The following INHBA variants were observed in gnomAD, a reference collection of about 807,000 sequenced individuals.
INHBA encodes inhibin beta A chain.
In INHBA, 1 loss-of-function variant was observed where a neutral mutation model predicts 29.0. The observed-to-expected ratio is 0.03, with a 90% CI of 0.01 to 0.16. The LOEUF (loss-of-function observed/expected upper bound fraction) is 0.16, where lower values mean the gene tolerates loss of function less well. Ranked by LOEUF, INHBA falls within the 10% of genes least tolerant of loss-of-function variation. The pLI, the probability that INHBA is intolerant of heterozygous loss-of-function variation, is 1.00. For synonymous variants in INHBA, 242 were observed against 216.8 expected, an observed-to-expected ratio of 1.12 and a Z score of -1.02; for missense variants, 376 against 545.4, an observed-to-expected ratio of 0.69 and a Z score of 3.09.
chr7:41,703,511 A>G (rs534061008), upstream of INHBA, among the ~76,000 whole-genome samples: 1 of 152,220 alleles, frequency 6.6e-6, no homozygotes, highest in South Asian at 2.1e-4. Context: ...AGGAAAGAAA[A>G]TTGGTAGTGT....
At chr7:41,690,569 A>C in intron 2 of INHBA, 27 bp from the exon 3 acceptor site, 1 of 1,540,042 alleles carries the variant, frequency 6.5e-7, no homozygotes. Flanking sequence ...GCATAAGAGA[A>C]AACAGGCACA....
intron 2 of INHBA, 87 bp from the exon 3 acceptor site, chr7:41,690,629 A>G: frequency 6.9e-7 from 1 of 1,440,446 alleles, no homozygotes; most frequent in Non-Finnish European, 9.1e-7. Flanking sequence ...GGCAAGCAGG[A>G]GTCTTCTGTG....
Position 41,700,144 on chromosome 7 carries a change from C to G in INHBA, c.231G>C (p.Pro77=). 6.2e-7 allele frequency: 1 copy of G among 1,614,074 alleles called. No individual in the cohort carries two copies. Among genetic ancestry groups the G allele is most frequent in the South Asian group, 1.1e-5 (1 of 91,066 alleles). ...CGTTCAGAAGCGCCGCCTTGGGTAC[C>G]GGCTGGGTGACATCGGGTCTCTTCT... is the stretch of plus-strand genomic sequence containing the variant. ...HLKKRPDVTQ[P]VPKAALLNAI... The change falls in exon 2 of 3, where the codon CCG becomes CCC. Residue 77 remains proline, a synonymous_variant. Transcript: ENST00000242208.
chr7:41,690,581 C>T (rs1794480367), intron 2 of INHBA, 39 bp from the exon 3 acceptor site: 1 of 1,508,224 alleles, frequency 6.6e-7, no homozygotes. Context: ...ACAGGCACAC[C>T]TGTTAATTCC....
intron 2 of INHBA, among the ~76,000 whole-genome samples, chr7:41,697,495 A>C (rs575962800): frequency 2.0e-5 from 3 of 152,162 alleles, no homozygotes; most frequent in Non-Finnish European, 2.9e-5. Flanking sequence ...TTTATCCAAC[A>C]ATCAAGGAGA....
intron 2 of INHBA, among the ~76,000 whole-genome samples, chr7:41,696,185 A>G (rs983775256): frequency 1.3e-5 from 2 of 152,166 alleles, no homozygotes. Context: ...CGCTGGTGGA[A>G]ACTGTTGATA....
At chr7:41,691,872 G>C (rs1014318826) in intron 2 of INHBA, 1 of 152,180 alleles carries the variant, frequency 6.6e-6, no homozygotes, top group African/African-American at 2.4e-5. Context: ...GAGCCACCTA[G>C]TACCTCTGAA....
intron 2 of INHBA, among the ~76,000 whole-genome samples, chr7:41,698,340 C>T (rs1794695851): frequency 6.6e-6 from 1 of 152,194 alleles, no homozygotes; most frequent in Non-Finnish European, 1.5e-5. Context: ...TTAAAGGCAA[C>T]TGGATACGAG....
intron 2 of INHBA, 86 bp from the exon 3 acceptor site, chr7:41,690,628 G>A (rs898727735): frequency 1.4e-6 from 2 of 1,441,354 alleles, no homozygotes; most frequent in Admixed American, 5.4e-5. Flanking sequence ...AGGCAAGCAG[G>A]AGTCTTCTGT....
At chr7:41,698,516 A>G (rs1794699628) in intron 2 of INHBA, among the ~76,000 whole-genome samples, 1 of 152,222 alleles carries the variant, frequency 6.6e-6, no homozygotes, top group African/African-American at 2.4e-5. Flanking sequence ...GTCAACTTGA[A>G]AAGTTCCAAC....
In INHBA at chr7:41,689,534, T is replaced by A. The variant is rs77416038; in HGVS notation, c.*116A>T. 8 of 821,222 alleles carry A rather than the reference T, an allele frequency of 9.7e-6. No individual in the cohort carries two copies. The highest frequency in any genetic ancestry group is 1.2e-5 in the Non-Finnish European group (7 of 589,920). 50.9% of individuals were successfully genotyped at this position (821,222 alleles called of 1,614,324 possible). On this transcript the variant is annotated 3_prime_UTR_variant, in exon 3 of 3. Coordinates refer to ENST00000242208, the MANE Select transcript of INHBA (RefSeq NM_002192.4). ...TTTTGTTTTTTTTTGTTTTTTTTTT[T>A]GTTTTGTTTTTAATTTCTATTTTTC...
chr7:41,690,008 C>T lies in INHBA; in HGVS notation c.923G>A (p.Arg308His), dbSNP rs1583590915. 1.9e-6 allele frequency: 3 copies of T among 1,614,112 alleles called. No homozygotes were observed. Among genetic ancestry groups the T allele is most frequent in the African/African-American group, 1.3e-5 (1 of 75,058 alleles). The change falls in exon 3 of 3, where the codon CGT becomes CAT. Residue 308 changes from arginine (R) to histidine (H), a missense_variant. This residue lies in a region of INHBA where 253 missense variants were observed against 313.4 expected (regional missense o/e 0.81). Coordinates refer to ENST00000242208, the MANE Select transcript of INHBA (RefSeq NM_002192.4). ...GCCATCACACTCCAAGCCCCGCCGA[C>T]GCCGGCGATGAGGGTGGTCTTCAGA... The part of the protein sequence containing the change: ...RQSEDHPHRR[R>H]RRGLECDGKV...
Position 41,689,105 on chromosome 7 carries a change from T to C in INHBA, c.*545A>G. The C allele has an allele frequency of 8.3e-6, 1 of 120,102 alleles. No individual in the cohort carries two copies. The highest frequency in any genetic ancestry group is 1.6e-5 in the Non-Finnish European group (1 of 63,316). 7.4% of individuals were successfully genotyped at this position (120,102 alleles called of 1,614,324 possible). A position where few individuals can be genotyped will look rare whatever the true frequency, so the allele number is the denominator to read the frequency against. On this transcript the variant is annotated 3_prime_UTR_variant, in exon 3 of 3. Transcript: ENST00000242208. Reference sequence around the variant, plus strand: ...TATATGTAATGTGTGGAAATGCCTGTGTGTGTGTGTGTGTGTGTGTGTGTG... The same window carrying C: ...TATATGTAATGTGTGGAAATGCCTGCGTGTGTGTGTGTGTGTGTGTGTGTG...
At chr7:41,698,274 C>T (rs1343263658) in intron 2 of INHBA, among the ~76,000 whole-genome samples, 5 of 151,992 alleles carry the variant, frequency 3.3e-5, no homozygotes, top group African/African-American at 4.8e-5. Flanking sequence ...TTGCTAGTAA[C>T]GGTAGTGCGG....
intron 2 of INHBA, among the ~76,000 whole-genome samples, chr7:41,695,157 C>T (rs1381076720): frequency 1.3e-5 from 2 of 152,108 alleles, no homozygotes; most frequent in African/African-American, 2.4e-5. Context: ...TGCAGTGTTT[C>T]GATTTGGTTT....
chr7:41,693,920 CCTT>C (rs1220231688), intron 2 of INHBA: 1 of 152,186 alleles, frequency 6.6e-6, no homozygotes, highest in Non-Finnish European at 1.5e-5. Context: ...CCTGTCGCCT[CCTT>C]CTCCTGGTGT....
chr7:41,694,515 G>A (rs866603590), intron 2 of INHBA, among the ~76,000 whole-genome samples: 4 of 152,172 alleles, frequency 2.6e-5, no homozygotes, highest in Admixed American at 6.5e-5. Context: ...CCCATAGTGC[G>A]CCGTGAGCAG....
intron 2 of INHBA, among the ~76,000 whole-genome samples, chr7:41,693,596 T>C (rs777466696): frequency 6.6e-6 from 1 of 152,170 alleles, no homozygotes; most frequent in Non-Finnish European, 1.5e-5. Context: ...CAGCTGTACT[T>C]GGAAGCAAAT....
At position 41,690,649 on chromosome 7, in the gene INHBA, C is replaced by T. The variant is rs115828597; in HGVS notation, c.389-107G>A. ...GCAGGAGTCTTCTGTGACAGACCCTCTTGAATAGGGGTCAACAAATGACAG... is the reference window on the plus strand; with the variant it reads ...GCAGGAGTCTTCTGTGACAGACCCTTTTGAATAGGGGTCAACAAATGACAG... On this transcript the variant is annotated intron_variant, in intron 2 of 2. Coordinates refer to ENST00000242208, the MANE Select transcript of INHBA (RefSeq NM_002192.4). The T allele has an allele frequency of 7.5e-4, 1,025 of 1,365,966 alleles. 7 individuals are homozygous for T. The African/African-American group carries it at 0.011, about 15-fold the overall frequency. The allele number at this position is 1,365,966 out of a possible 1,614,324, so 84.6% of individuals were successfully genotyped here.
Sources: allele counts gnomAD v4.1 joint callset (sites outside exome capture counted in the v4.1 genomes callset), GRCh38; gene constraint gnomAD v4.1.1; regional missense constraint gnomAD v4.1.1; transcripts MANE v1.5; gene names NCBI Gene and HGNC (gene_info 2026-07-23, HGNC 2026-07-21).